The following SSBP1 variants were observed in gnomAD, a reference collection of about 807,000 sequenced individuals.
SSBP1 encodes the protein single-stranded DNA-binding protein, mitochondrial.
Under a neutral mutation model 27.0 loss-of-function variants are expected in SSBP1, and 20 were observed. The ratio of observed to expected loss-of-function variants is 0.74; its 90% confidence interval spans 0.52 to 1.08. SSBP1 has a LOEUF of 1.08. Ranked by LOEUF, SSBP1 falls within the 50% of genes least tolerant of loss-of-function variation. The pLI, the probability that SSBP1 is intolerant of heterozygous loss-of-function variation, is 0.00. For missense variants in SSBP1, 137 were observed against 182.4 expected, an observed-to-expected ratio of 0.75 and a Z score of 1.44; for synonymous variants, 59 against 59.3, an observed-to-expected ratio of 1.00 and a Z score of 0.02.
chr7:141,745,773 A>G (rs999165102), intron 6 of SSBP1, 189 bp downstream of exon 6: 1 of 1,330,412 alleles, frequency 7.5e-7, no homozygotes, highest in Admixed American at 3.3e-5. Flanking sequence ...TCCTTTAAAA[A>G]ATTATTTTTA....
At chr7:141,742,081 A>C in intron 2 of SSBP1, 88 bp from the exon 3 acceptor site, 1 of 975,344 alleles carries the variant, frequency 1.0e-6, no homozygotes. Flanking sequence ...ACTACTGACT[A>C]TATGGTGAAT....
chr7:141,749,133 T>C (rs1217489396), intron 6 of SSBP1, among the ~76,000 whole-genome samples: 2 of 152,166 alleles, frequency 1.3e-5, no homozygotes, highest in Admixed American at 1.3e-4. Context: ...ACAACAAAAA[T>C]ACAAGTGAAA....
At chr7:141,748,151 C>T (rs888334778) in intron 6 of SSBP1, among the ~76,000 whole-genome samples, 1 of 151,948 alleles carries the variant, frequency 6.6e-6, no homozygotes, top group African/African-American at 2.4e-5. Flanking sequence ...ACTTGACCTA[C>T]ACCTGGATTA....
Position 141,745,260 on chromosome 7 carries a change from C to T in SSBP1, c.315-236C>T, listed in dbSNP as rs112556809. Among the ~76,000 whole-genome samples, 3,294 of 152,104 alleles carry T rather than the reference C, an allele frequency of 0.022. 120 individuals are homozygous for T. Among genetic ancestry groups the T allele is most frequent in the African/African-American group, 0.076 (3,166 of 41,488 alleles). ...CTGTTTTGTTTTATTTTTTAACTTC[C>T]GTAAGAGAAATAGCTGACAGATGAA... On this transcript the variant is annotated intron_variant, in intron 5 of 6. Coordinates refer to ENST00000265304, the MANE Select transcript of SSBP1 (RefSeq NM_003143.3).
intron 2 of SSBP1, 163 bp downstream of exon 2, chr7:141,739,353 A>G: frequency 2.1e-6 from 1 of 476,680 alleles, no homozygotes; most frequent in Non-Finnish European, 3.6e-6. Context: ...TGCCAGTGTA[A>G]ATTATGTTCA....
At position 141,743,407 on chromosome 7, in the gene SSBP1, T is replaced by C. The variant is rs77069176; in HGVS notation, c.86-154T>C. On this transcript the variant is annotated intron_variant, in intron 3 of 6. Transcript: ENST00000265304. ...TTCCTATAGGGACACCTCACCCTCA[T>C]GACGTCATCTAAGCCTAATTACCTT... is the stretch of plus-strand genomic sequence containing the variant. Among the ~76,000 whole-genome samples, 1,002 of 152,306 alleles carry C rather than the reference T, an allele frequency of 6.6e-3. 11 individuals carry two copies. The highest frequency in any genetic ancestry group is 0.024 in the East Asian group (126 of 5,182).
At chr7:141,748,403 TCTTTC>T (rs1799859881) in intron 6 of SSBP1, among the ~76,000 whole-genome samples, 1 of 152,218 alleles carries the variant, frequency 6.6e-6, no homozygotes, top group Non-Finnish European at 1.5e-5. Flanking sequence ...TTATCTTTCT[TCTTTC>T]CTTTGCTCCA....
In SSBP1 at chr7:141,745,484, T is replaced by G; in HGVS notation, c.315-12T>G. On this transcript the variant is annotated splice_polypyrimidine_tract_variant and intron_variant, in intron 5 of 6. Transcript: ENST00000265304. ...GATCTCAACTAAAAACTGTACATTT[T>G]ATTTATATCAGGTCTCGAATTTATT... The G allele has an allele frequency of 6.3e-7, 1 of 1,584,804 alleles. No individual in the cohort carries two copies. The highest frequency in any genetic ancestry group is 8.6e-7 in the Non-Finnish European group (1 of 1,164,464).
At chr7:141,739,233 G>A (rs1295372216) in intron 2 of SSBP1, 43 bp downstream of exon 2, 15 of 1,513,242 alleles carry the variant, frequency 9.9e-6, no homozygotes, top group Non-Finnish European at 1.3e-5. Context: ...ATTACTATCA[G>A]CCACAGTGAT....
At chr7:141,748,058 G>A (rs1354880013) in intron 6 of SSBP1, among the ~76,000 whole-genome samples, 2 of 134,808 alleles carry the variant, frequency 1.5e-5, no homozygotes, top group African/African-American at 5.6e-5. Flanking sequence ...ACATGTATAA[G>A]AGCAGAAAAA....
intron 6 of SSBP1, among the ~76,000 whole-genome samples, chr7:141,749,918 C>A (rs1799904949): frequency 6.6e-6 from 1 of 152,162 alleles, no homozygotes; most frequent in South Asian, 2.1e-4. Context: ...TCCTCTAGAC[C>A]CCCAGAGTGT....
chr7:141,744,015 T>C (rs769719345), intron 5 of SSBP1, 26 bp downstream of exon 5: 8 of 1,589,162 alleles, frequency 5.0e-6, no homozygotes, highest in East Asian at 4.5e-5. Flanking sequence ...AAGGATCTTA[T>C]GAATTGAATG....
chr7:141,744,696 G>A (rs536925141), intron 5 of SSBP1, among the ~76,000 whole-genome samples: 1 of 152,208 alleles, frequency 6.6e-6, no homozygotes, highest in South Asian at 2.1e-4. Context: ...TTCTTCCTAT[G>A]TATCTTCATT....
chr7:141,739,221 G>A lies in SSBP1; in HGVS notation c.24+31G>A, dbSNP rs368685756. On this transcript the variant is annotated intron_variant, in intron 2 of 6. Transcript: ENST00000265304. ...CACTTGTCTGTATTAATACTGAGAT[G>A]TATTACTATCAGCCACAGTGATCAG... 13 of 1,553,586 alleles carry A rather than the reference G, an allele frequency of 8.4e-6. No homozygotes were observed. In the African/African-American group the frequency reaches 1.8e-4, roughly 21 times the overall value.
At chr7:141,745,475 T>C (rs1353753908) in intron 5 of SSBP1, 21 bp from the exon 6 acceptor site, 11 of 1,575,426 alleles carry the variant, frequency 7.0e-6, no homozygotes, top group Non-Finnish European at 8.6e-6. Context: ...AACTAAAAAC[T>C]GTACATTTTA....
At chr7:141,748,888 C>T (rs1469728568) in intron 6 of SSBP1, among the ~76,000 whole-genome samples, 3 of 152,104 alleles carry the variant, frequency 2.0e-5, no homozygotes, top group Admixed American at 6.5e-5. Context: ...GATATTAATT[C>T]GAGTAGTTTG....
At chr7:141,739,424 T>C (rs1440466639) in intron 2 of SSBP1, 1 of 376,602 alleles carries the variant, frequency 2.7e-6, no homozygotes, top group Non-Finnish European at 4.7e-6. Flanking sequence ...ATTTTTAAAA[T>C]GTGTGTGTGT....
At chr7:141,743,053 C>T (rs898545231) in intron 3 of SSBP1, among the ~76,000 whole-genome samples, 4 of 152,240 alleles carry the variant, frequency 2.6e-5, no homozygotes, top group Non-Finnish European at 5.9e-5. Flanking sequence ...TGGGGTTTCA[C>T]CGTGTTAGCC....
intron 4 of SSBP1, 43 bp from the exon 5 acceptor site, chr7:141,743,859 G>A (rs376756147): frequency 5.7e-6 from 9 of 1,585,772 alleles, no homozygotes; most frequent in Non-Finnish European, 6.9e-6. Context: ...TGGGCATGTT[G>A]TCTGTTGGCA....
Sources: gnomAD v4.1 joint callset for allele counts (sites outside exome capture counted in the v4.1 genomes callset) on GRCh38, gnomAD v4.1.1 for gene constraint, MANE v1.5 for transcripts, NCBI Gene and HGNC (gene_info 2026-07-23, HGNC 2026-07-21) for gene names.